YTHDC2: variants seen among roughly 807,000 people sequenced by gnomAD.
YTHDC2 encodes the protein YTH N6-methyladenosine RNA binding protein C2.
YTHDC2 carries 45 observed loss-of-function variants against 174.9 expected under a neutral mutation model. The observed-to-expected ratio is 0.26, with a 90% CI of 0.20 to 0.33. The LOEUF (loss-of-function observed/expected upper bound fraction) is 0.33, where lower values mean the gene tolerates loss of function less well. Among genes scored for constraint, YTHDC2 ranks in the 10% least tolerant of loss-of-function variants. The probability of loss-of-function intolerance (pLI) is 1.00; values close to 1 mark genes in which losing one functional copy is unlikely to be tolerated. For synonymous variants in YTHDC2, 657 were observed against 574.5 expected, an observed-to-expected ratio of 1.14 and a Z score of -2.05; for missense variants, 1,650 against 1,723.7, an observed-to-expected ratio of 0.96 and a Z score of 0.76.
chr5:113,534,056 T>G (rs1774880708), intron 5 of YTHDC2, among the ~76,000 whole-genome samples: 1 of 152,140 alleles, frequency 6.6e-6, no homozygotes, highest in African/African-American at 2.4e-5. Flanking sequence ...CAAAAAGTAT[T>G]TAAGGTTTTG....
intron 4 of YTHDC2, 125 bp from the exon 5 acceptor site, chr5:113,532,754 T>C: frequency 1.2e-6 from 1 of 800,090 alleles, no homozygotes; most frequent in South Asian, 2.4e-5. Flanking sequence ...TGAATGTTGT[T>C]GATTTTATGA....
chr5:113,556,167 G>C (rs779274335), intron 17 of YTHDC2, 33 bp downstream of exon 17: 11 of 1,341,520 alleles, frequency 8.2e-6, no homozygotes, highest in Non-Finnish European at 4.2e-6. Context: ...TCATTCAATT[G>C]CCTGTAAAAT....
At chr5:113,549,696 C>T (rs1409496727) in intron 12 of YTHDC2, among the ~76,000 whole-genome samples, 1 of 152,080 alleles carries the variant, frequency 6.6e-6, no homozygotes, top group Non-Finnish European at 1.5e-5. Flanking sequence ...CTACCCCCCA[C>T]GCAATGTCCA....
chr5:113,542,522 T>C lies in YTHDC2; in HGVS notation c.1495+19T>C. Reference sequence around the variant, plus strand: ...GTTAGTGGTAAGTTTATTTTAATTTTAAAAAATTACCCTTACAGTTATTTA... The same window carrying C: ...GTTAGTGGTAAGTTTATTTTAATTTCAAAAAATTACCCTTACAGTTATTTA... On this transcript the variant is annotated intron_variant, in intron 10 of 29. Transcript: ENST00000161863. 1.3e-6 allele frequency: 2 copies of C among 1,584,048 alleles called. No homozygotes were observed. The highest frequency in any genetic ancestry group is 1.7e-6 in the Non-Finnish European group (2 of 1,167,190).
At chr5:113,543,189 T>A (rs1448749847) in intron 10 of YTHDC2, among the ~76,000 whole-genome samples, 4 of 152,192 alleles carry the variant, frequency 2.6e-5, no homozygotes, top group Non-Finnish European at 5.9e-5. Flanking sequence ...CCTTATCACT[T>A]GTTATCTCCA....
In YTHDC2 at chr5:113,571,299, G is replaced by A. The variant is rs182998573; in HGVS notation, c.3244+3450G>A. ...TTATGTTTATTGATTTGCATATGTT[G>A]AACCAGCCTTGCATCCCAGGGATGA... On this transcript the variant is annotated intron_variant, in intron 23 of 29. Transcript: ENST00000161863. Among the ~76,000 whole-genome samples, 46 of 152,302 alleles carry A rather than the reference G, an allele frequency of 3.0e-4. 1 individual carries two copies. Among genetic ancestry groups the A allele is most frequent in the Admixed American group, 2.7e-3 (42 of 15,288 alleles).
chr5:113,524,543 A>AACAT (rs1359775106), intron 2 of YTHDC2, among the ~76,000 whole-genome samples: 3 of 152,086 alleles, frequency 2.0e-5, no homozygotes, highest in Non-Finnish European at 4.4e-5. Flanking sequence ...TCTCATTACC[A>AACAT]ACATACTGTG....
Position 113,591,506 on chromosome 5 carries a change from A to T in YTHDC2, c.4029+262A>T, listed in dbSNP as rs144830797. 2.6e-3 allele frequency among the ~76,000 whole-genome samples: 389 copies of T among 152,284 alleles called. 2 individuals are homozygous for T. Among genetic ancestry groups the T allele is most frequent in the African/African-American group, 8.9e-3 (370 of 41,580 alleles). On this transcript the variant is annotated intron_variant, in intron 27 of 29. Transcript: ENST00000161863. ...TTTAGATTTACTAATTCTCAAGTGG[A>T]TTCAAAGTAATGAGAAGCTTGACCT...
rs1776944820 is a variant in YTHDC2, at chr5:113,561,268, T to TA, written c.2322+89dup. The TA allele has an allele frequency of 3.9e-6, 4 of 1,013,914 alleles. No individual in the cohort carries two copies. In the Admixed American group the frequency reaches 8.1e-5, roughly 21 times the overall value. The allele number at this position is 1,013,914 out of a possible 1,614,324, so 62.8% of individuals were successfully genotyped here. ...TTTCAACTTCTATGGATTAGGCCTT[T>TA]AAAAAATCAATTTGTAAAACAAAAT... is the stretch of plus-strand genomic sequence containing the variant. On this transcript the variant is annotated intron_variant, in intron 18 of 29. Transcript: ENST00000161863.
At chr5:113,582,766 G>A (rs530786737) in intron 25 of YTHDC2, 23 of 152,138 alleles carry the variant, frequency 1.5e-4, no homozygotes, top group Admixed American at 1.3e-3. Context: ...GAAATATAAA[G>A]GCTTAATATC....
rs1325594365 is a variant in YTHDC2 at position 113,525,084 on chromosome 5, A to G, written c.382A>G (p.Arg128Gly). The G allele has an allele frequency of 6.2e-7, 1 of 1,612,622 alleles. No homozygotes were observed. Among genetic ancestry groups the G allele is most frequent in the African/African-American group, 1.3e-5 (1 of 74,878 alleles). ...GACTCATAATACAAAACATGCTGTT[A>G]GGAGCCTAATTCAAAGATTTCCTGT... ...NLTHNTKHAVRSLIQRFPVTN... is the reference protein window; with the variant it reads ...NLTHNTKHAVGSLIQRFPVTN... Residue 128 changes from arginine to glycine, a missense_variant, in exon 3 of 30, where the codon AGG (arginine) becomes GGG (glycine). By Grantham distance (125) the Arg-to-Gly change is moderately radical (BLOSUM62 -2). Around this residue, in one of 5 missense-constraint regions of YTHDC2, gnomAD observed 304 missense variants for 341.4 expected, o/e 0.89. Coordinates refer to ENST00000161863, the MANE Select transcript of YTHDC2 (RefSeq NM_022828.5).
At chr5:113,537,811 T>C (rs1775185884) in intron 7 of YTHDC2, among the ~76,000 whole-genome samples, 1 of 152,150 alleles carries the variant, frequency 6.6e-6, no homozygotes, top group Admixed American at 6.5e-5. Context: ...CCCTTTTCTC[T>C]TCTTGTGTTA....
chr5:113,568,195 T>C (rs1343042561), intron 23 of YTHDC2, among the ~76,000 whole-genome samples: 3 of 152,204 alleles, frequency 2.0e-5, no homozygotes, highest in Non-Finnish European at 2.9e-5. Context: ...CTAACACTTT[T>C]TAATGTTATA....
At chr5:113,519,525 G>A (rs2038754289) in intron 2 of YTHDC2, among the ~76,000 whole-genome samples, 1 of 152,182 alleles carries the variant, frequency 6.6e-6, no homozygotes, top group Non-Finnish European at 1.5e-5. Flanking sequence ...AAAATATGAA[G>A]TATATGAAAG....
intron 2 of YTHDC2, among the ~76,000 whole-genome samples, chr5:113,522,162 GGTT>G (rs1554091438): frequency 1.4e-5 from 2 of 146,290 alleles, no homozygotes; most frequent in Non-Finnish European, 3.0e-5. Flanking sequence ...TTTTGGTGGT[GGTT>G]GTTGTTTGTT....
At chr5:113,590,989 T>G in intron 26 of YTHDC2, 52 bp from the exon 27 acceptor site, 1 of 1,496,788 alleles carries the variant, frequency 6.7e-7, no homozygotes, top group Non-Finnish European at 9.1e-7. Flanking sequence ...ATGGAGCCTC[T>G]TGGTTTTGAA....
At chr5:113,566,808 C>T (rs1342900591) in intron 21 of YTHDC2, among the ~76,000 whole-genome samples, 3 of 152,038 alleles carry the variant, frequency 2.0e-5, no homozygotes, top group African/African-American at 7.2e-5. Context: ...TTATGAAGAA[C>T]TTTATTGCAA....
chr5:113,591,348 A>T lies in YTHDC2; in HGVS notation c.4029+104A>T, dbSNP rs1014050164. Reference sequence around the variant, plus strand: ...CTTTTCATTGCATCAGAATGCAAGAATGCCTTTTGCTTGACTGAGAATAAG... The same window carrying T: ...CTTTTCATTGCATCAGAATGCAAGATTGCCTTTTGCTTGACTGAGAATAAG... On this transcript the variant is annotated intron_variant, in intron 27 of 29. Coordinates refer to ENST00000161863, the MANE Select transcript of YTHDC2 (RefSeq NM_022828.5). 202 of 1,168,578 alleles carry T rather than the reference A, an allele frequency of 1.7e-4. 1 individual carries two copies. The highest frequency in any genetic ancestry group is 2.4e-4 in the Non-Finnish European group (192 of 804,412). 72.4% of individuals were successfully genotyped at this position (1,168,578 alleles called of 1,614,324 possible).
Position 113,545,839 on chromosome 5 carries a change from C to T in YTHDC2, c.1496-2702C>T, listed in dbSNP as rs546389424. On this transcript the variant is annotated intron_variant, in intron 10 of 29. Transcript: ENST00000161863. ...CACTGCAAGCTCCGCCTCCCGGGTT[C>T]ACGCCATTCTCCTGCCTCAGCCTCC... Among the ~76,000 whole-genome samples, 36 of 56,232 alleles carry T rather than the reference C, an allele frequency of 6.4e-4. 3 individuals are homozygous for T. The East Asian group carries it at 0.013, about 20-fold the overall frequency. The allele number at this position is 56,232 out of a possible 152,430, so 36.9% of individuals were successfully genotyped here. A position where few individuals can be genotyped will look rare whatever the true frequency, so the allele number is the denominator to read the frequency against.
Sources: allele counts gnomAD v4.1 joint callset (sites outside exome capture counted in the v4.1 genomes callset), GRCh38; gene constraint gnomAD v4.1.1; regional missense constraint gnomAD v4.1.1; transcripts MANE v1.5; gene names NCBI Gene and HGNC (gene_info 2026-07-23, HGNC 2026-07-21).